Variants in VTCN1 observed in about 807,000 individuals in gnomAD.
VTCN1 encodes V-set domain containing T cell activation inhibitor 1, also known as V-set domain-containing T-cell activation inhibitor 1.
In VTCN1, 26 loss-of-function variants were observed where a neutral mutation model predicts 26.5. The observed-to-expected ratio is 0.98, with a 90% CI of 0.72 to 1.36. The LOEUF (loss-of-function observed/expected upper bound fraction) is 1.36. VTCN1 is among the 40% of genes most tolerant of loss of function. The pLI, the probability that VTCN1 is intolerant of heterozygous loss-of-function variation, is 0.00. For missense variants in VTCN1, 298 were observed against 337.7 expected (o/e 0.88, Z 0.92); for synonymous variants, 116 against 130.7 (o/e 0.89, Z 0.77).
rs544547872 is a variant in VTCN1, at chr1:117,178,567, G to A, written c.33-8396C>T. On this transcript the variant is annotated intron_variant, in intron 1 of 5. Coordinates refer to ENST00000369458, the MANE Select transcript of VTCN1 (RefSeq NM_024626.4). The stretch of plus-strand genomic sequence containing the variant: ...GCCACTGCACCGCACCTGGCCTTCA[G>A]TGTTTTCTTTTCTTTCTTTCGTTTT... 2.8e-4 allele frequency among the ~76,000 whole-genome samples: 35 copies of A among 125,438 alleles called. No individual in the cohort carries two copies. The East Asian group carries it at 8.9e-3, about 32-fold the overall frequency. 82.3% of individuals were successfully genotyped at this position (125,438 alleles called of 152,430 possible).
intron 1 of VTCN1, among the ~76,000 whole-genome samples, chr1:117,198,022 G>A (rs1648602235): frequency 6.6e-6 from 1 of 152,086 alleles, no homozygotes; most frequent in Non-Finnish European, 1.5e-5. Context: ...ACTCACTCTG[G>A]GCACTGCCTT....
chr1:117,166,291 A>G (rs573922048), intron 2 of VTCN1, among the ~76,000 whole-genome samples: 1 of 152,344 alleles, frequency 6.6e-6, no homozygotes, highest in South Asian at 2.1e-4. Flanking sequence ...GAGAGTCAAC[A>G]CCACTAACAA....
At position 117,197,805 on chromosome 1, in the gene VTCN1, C is replaced by T. The variant is rs930266504; in HGVS notation, c.32+13019G>A. 2.0e-5 allele frequency among the ~76,000 whole-genome samples: 3 copies of T among 152,140 alleles called. No individual in the cohort carries two copies. In the East Asian group the frequency reaches 5.8e-4, roughly 29 times the overall value. ...TCCACCAGTAACATATTTATACCCT[C>T]CACTGGTAACAAAATGAGAGGTAAG... On this transcript the variant is annotated intron_variant, in intron 1 of 5. Transcript: ENST00000369458.
At chr1:117,199,617 T>C (rs1266674686) in intron 1 of VTCN1, among the ~76,000 whole-genome samples, 1 of 149,960 alleles carries the variant, frequency 6.7e-6, no homozygotes, top group Non-Finnish European at 1.5e-5. Context: ...TGGGCCACTG[T>C]GCCCGGCCAC....
chr1:117,157,134 A>C, intron 2 of VTCN1: 3 of 503,394 alleles, frequency 6.0e-6, no homozygotes, highest in South Asian at 3.7e-5. Context: ...GTCATATATA[A>C]TGGCTTATGT....
chr1:117,203,592 A>G (rs1648900779), intron 1 of VTCN1: 1 of 985,300 alleles, frequency 1.0e-6, no homozygotes, highest in African/African-American at 1.7e-5. Context: ...GCGCACACAG[A>G]GAGAAATGTA....
chr1:117,178,629 T>C (rs1647511165), intron 1 of VTCN1, among the ~76,000 whole-genome samples: 1 of 133,274 alleles, frequency 7.5e-6, no homozygotes, highest in Non-Finnish European at 1.6e-5. Context: ...GGCCCGGCTC[T>C]ATTCCCCTGA....
At chr1:117,205,224 A>G (rs1648996344) in intron 1 of VTCN1, among the ~76,000 whole-genome samples, 1 of 151,002 alleles carries the variant, frequency 6.6e-6, no homozygotes, top group Admixed American at 6.6e-5. Context: ...AACACCAATG[A>G]TGGCTCACTG....
chr1:117,151,043 A>G (rs942606477), intron 4 of VTCN1, among the ~76,000 whole-genome samples: 1 of 152,028 alleles, frequency 6.6e-6, no homozygotes, highest in African/African-American at 2.4e-5. Flanking sequence ...GGTTGATTCT[A>G]TCTCTTGACT....
chr1:117,209,874 T>G (rs1177907702), intron 1 of VTCN1, among the ~76,000 whole-genome samples: 1 of 152,250 alleles, frequency 6.6e-6, no homozygotes, highest in Non-Finnish European at 1.5e-5. Flanking sequence ...AACATTACTC[T>G]CGTAGTCTCT....
chr1:117,163,156 G>A (rs1430166913), intron 2 of VTCN1, among the ~76,000 whole-genome samples: 5 of 152,230 alleles, frequency 3.3e-5, no homozygotes, highest in Non-Finnish European at 7.3e-5. Context: ...TCCGTGAGAA[G>A]AAATTTAAAA....
chr1:117,206,262 C>A (rs746717060), intron 1 of VTCN1, among the ~76,000 whole-genome samples: 23 of 151,732 alleles, frequency 1.5e-4, no homozygotes, highest in Non-Finnish European at 2.1e-4. Context: ...CAAAGTATAC[C>A]CTCACTGCAA....
At chr1:117,201,070 C>T (rs1364593284) in intron 1 of VTCN1, among the ~76,000 whole-genome samples, 1 of 152,064 alleles carries the variant, frequency 6.6e-6, no homozygotes, top group Non-Finnish European at 1.5e-5. Context: ...TATAAACCAC[C>T]CTGCCCAGAC....
chr1:117,190,341 G>A (rs1648184632), intron 1 of VTCN1, among the ~76,000 whole-genome samples: 1 of 152,180 alleles, frequency 6.6e-6, no homozygotes, highest in Non-Finnish European at 1.5e-5. Context: ...CAGGAGCCAT[G>A]CCCATCCATG....
chr1:117,180,418 A>G lies in VTCN1; in HGVS notation c.33-10247T>C, dbSNP rs115027245. ...GATTACCAGTCCTTTTCGTAATCAT[A>G]CCTGTGTTTCCTGCTCCTCCTTATT... On this transcript the variant is annotated intron_variant, in intron 1 of 5. Coordinates refer to ENST00000369458, the MANE Select transcript of VTCN1 (RefSeq NM_024626.4). Among the ~76,000 whole-genome samples the G allele has an allele frequency of 6.9e-4, 105 of 152,312 alleles. 2 individuals carry two copies. Among genetic ancestry groups the G allele is most frequent in the African/African-American group, 2.2e-3 (91 of 41,582 alleles).
intron 1 of VTCN1, among the ~76,000 whole-genome samples, chr1:117,189,224 G>A (rs950834554): frequency 9.9e-5 from 15 of 151,812 alleles, no homozygotes; most frequent in African/African-American, 2.4e-4. Flanking sequence ...TCACTTCCTC[G>A]TCTCTTCTCC....
intron 1 of VTCN1, among the ~76,000 whole-genome samples, chr1:117,206,332 A>G (rs978831074): frequency 2.0e-5 from 3 of 152,170 alleles, no homozygotes; most frequent in African/African-American, 4.8e-5. Flanking sequence ...ACAAATTTTT[A>G]TGGAGAGCCA....
intron 1 of VTCN1, among the ~76,000 whole-genome samples, chr1:117,198,841 C>T (rs10923221): frequency 6.6e-6 from 1 of 152,136 alleles, no homozygotes; most frequent in Admixed American, 6.5e-5. Flanking sequence ...ATGAGAGAGG[C>T]AAGAGCATAG....
chr1:117,170,678 A>G (rs574611262), intron 1 of VTCN1, among the ~76,000 whole-genome samples: 16 of 152,208 alleles, frequency 1.1e-4, no homozygotes, highest in Admixed American at 2.0e-4. Flanking sequence ...TCCGTAAGTC[A>G]TCAGTGGGAG....
Sources: gnomAD v4.1 joint callset for allele counts (sites outside exome capture counted in the v4.1 genomes callset) on GRCh38, gnomAD v4.1.1 for gene constraint, MANE v1.5 for transcripts, NCBI Gene and HGNC (gene_info 2026-07-23, HGNC 2026-07-21) for gene names.